Variants in PDSS1 observed in about 807,000 individuals in gnomAD.
PDSS1 encodes all trans-polyprenyl-diphosphate synthase PDSS1.
Under a neutral mutation model 57.5 loss-of-function variants are expected in PDSS1, and 43 were observed. The ratio of observed to expected loss-of-function variants is 0.75; its 90% CI spans 0.59 to 0.96. The LOEUF is 0.96. Ranked by LOEUF, PDSS1 falls within the 50% of genes least tolerant of loss-of-function variation. PDSS1 has a pLI of 0.00. For synonymous variants in PDSS1, 175 were observed against 191.3 expected (o/e 0.91, Z 0.70); for missense variants, 438 against 527.8 (o/e 0.83, Z 1.67).
intron 1 of PDSS1, 91 bp downstream of exon 1, chr10:26,697,931 G>T: frequency 1.7e-6 from 2 of 1,143,454 alleles, no homozygotes; most frequent in South Asian, 3.3e-5. Flanking sequence ...GGGAGCACGT[G>T]CGTCGCGACG....
intron 4 of PDSS1, among the ~76,000 whole-genome samples, chr10:26,705,877 A>G (rs543657331): frequency 2.0e-5 from 3 of 152,342 alleles, no homozygotes; most frequent in African/African-American, 7.2e-5. Flanking sequence ...GAAGAATGCA[A>G]TATGTATTTA....
At chr10:26,731,043 C>T (rs2132289387) in intron 8 of PDSS1, among the ~76,000 whole-genome samples, 1 of 152,064 alleles carries the variant, frequency 6.6e-6, no homozygotes, top group African/African-American at 2.4e-5. Flanking sequence ...CCCTTCTCCA[C>T]TAAAAATACA....
At chr10:26,712,648 G>T (rs1415535013) in intron 5 of PDSS1, among the ~76,000 whole-genome samples, 1 of 99,066 alleles carries the variant, frequency 1.0e-5, no homozygotes, top group African/African-American at 3.3e-5. Context: ...TAAATATGTA[G>T]GTATTATTTC....
At chr10:26,741,432 G>A (rs948893838) in intron 10 of PDSS1, among the ~76,000 whole-genome samples, 43 of 152,162 alleles carry the variant, frequency 2.8e-4, no homozygotes, top group African/African-American at 9.4e-4. Flanking sequence ...GTGGTGAGCC[G>A]AGGTCGTGCC....
At chr10:26,741,364 G>A (rs1171562002) in intron 10 of PDSS1, among the ~76,000 whole-genome samples, 1 of 152,048 alleles carries the variant, frequency 6.6e-6, no homozygotes, top group Non-Finnish European at 1.5e-5. Flanking sequence ...CACACCTGTA[G>A]TCCCAGCTAC....
intron 11 of PDSS1, among the ~76,000 whole-genome samples, chr10:26,743,331 A>C (rs899081017): frequency 1.3e-5 from 2 of 152,188 alleles, no homozygotes; most frequent in African/African-American, 2.4e-5. Flanking sequence ...GTGAGCAAAA[A>C]ATCATTACAA....
In PDSS1 at chr10:26,724,676, C is replaced by G. The variant is rs1588691767; in HGVS notation, c.831+553C>G. 2.6e-5 allele frequency among the ~76,000 whole-genome samples: 4 copies of G among 152,236 alleles called. No individual in the cohort carries two copies. In the South Asian group the frequency reaches 8.3e-4, roughly 32 times the overall value. The stretch of plus-strand genomic sequence containing the variant: ...CACTACAACCTCCACCTCCCAGGTT[C>G]AGGCAATTCTCCTGCCTCAGCTTCC... On this transcript the variant is annotated intron_variant, in intron 8 of 11. Transcript: ENST00000376215.
intron 1 of PDSS1, among the ~76,000 whole-genome samples, chr10:26,699,709 T>C (rs1834988246): frequency 6.6e-6 from 1 of 152,146 alleles, no homozygotes; most frequent in Non-Finnish European, 1.5e-5. Flanking sequence ...ACACTTCTTT[T>C]TAAAAAAGTT....
intron 8 of PDSS1, among the ~76,000 whole-genome samples, chr10:26,729,631 C>A (rs1488926252): frequency 6.6e-6 from 1 of 152,182 alleles, no homozygotes; most frequent in Non-Finnish European, 1.5e-5. Flanking sequence ...GAAAAACAAA[C>A]CCAGTAGCTA....
chr10:26,718,289 C>T (rs1017503238), intron 5 of PDSS1, among the ~76,000 whole-genome samples: 15 of 151,966 alleles, frequency 9.9e-5, no homozygotes, highest in Non-Finnish European at 1.9e-4. Flanking sequence ...GTGATCCGCC[C>T]GCCTCAGCCT....
intron 5 of PDSS1, among the ~76,000 whole-genome samples, chr10:26,717,017 A>G (rs1030861048): frequency 2.0e-5 from 3 of 152,158 alleles, no homozygotes; most frequent in Admixed American, 1.3e-4. Context: ...TCCCACCCTC[A>G]TGTTATGGAT....
intron 11 of PDSS1, among the ~76,000 whole-genome samples, chr10:26,745,176 A>T (rs1271141421): frequency 6.6e-6 from 1 of 152,096 alleles, no homozygotes; most frequent in African/African-American, 2.4e-5. Flanking sequence ...AAAAAATTTA[A>T]AAAAAATAAA....
intron 8 of PDSS1, among the ~76,000 whole-genome samples, chr10:26,725,799 G>A (rs1835932277): frequency 6.6e-6 from 1 of 152,198 alleles, no homozygotes; most frequent in Non-Finnish European, 1.5e-5. Flanking sequence ...AGCATGGTCA[G>A]GCAAGGTGGC....
chr10:26,730,857 C>T (rs548462333), intron 8 of PDSS1, among the ~76,000 whole-genome samples: 6 of 152,122 alleles, frequency 3.9e-5, no homozygotes, highest in Non-Finnish European at 8.8e-5. Flanking sequence ...TTTCCTTTTG[C>T]ATTTCTTCAG....
At chr10:26,713,374 T>G (rs1281066929) in intron 5 of PDSS1, among the ~76,000 whole-genome samples, 1 of 152,176 alleles carries the variant, frequency 6.6e-6, no homozygotes, top group Non-Finnish European at 1.5e-5. Flanking sequence ...AGAAGGTATA[T>G]CTTAAGAAAC....
At chr10:26,720,842 G>A (rs560244010) in intron 6 of PDSS1, among the ~76,000 whole-genome samples, 118 of 152,274 alleles carry the variant, frequency 7.7e-4, no homozygotes, top group South Asian at 1.2e-3. Context: ...GTTCATATAT[G>A]TATATATTAA....
At chr10:26,727,340 CT>C (rs71403885) in intron 8 of PDSS1, among the ~76,000 whole-genome samples, 29,875 of 100,372 alleles carry the variant, frequency 0.3, 3,319 homozygotes, top group Admixed American at 0.4. Flanking sequence ...CTCTCTCTCT[CT>C]TTTTTTTTTT....
chr10:26,741,505 C>CA (rs1052378503), intron 10 of PDSS1, among the ~76,000 whole-genome samples: 4 of 151,528 alleles, frequency 2.6e-5, no homozygotes, highest in African/African-American at 4.9e-5. Context: ...GGAAAAACAA[C>CA]AAAAAAACAA....
intron 8 of PDSS1, chr10:26,734,736 A>G (rs2132299321): frequency 2.2e-6 from 1 of 456,386 alleles, no homozygotes; most frequent in East Asian, 6.9e-5. Flanking sequence ...GAAATTCCCA[A>G]CGATGATGAA....
Sources: allele counts gnomAD v4.1 joint callset (sites outside exome capture counted in the v4.1 genomes callset), GRCh38; gene constraint gnomAD v4.1.1; transcripts MANE v1.5; gene names NCBI Gene and HGNC (gene_info 2026-07-23, HGNC 2026-07-21).